Variants in MYO18B observed in about 807,000 individuals in gnomAD.
The protein encoded by MYO18B is myosin XVIIIB, also known as unconventional myosin-XVIIIb.
In MYO18B, 204 loss-of-function variants were observed where a neutral mutation model predicts 273.0. The ratio of observed to expected loss-of-function variants is 0.75; its 90% CI spans 0.67 to 0.84. The LOEUF (loss-of-function observed/expected upper bound fraction) is 0.84, where lower values mean the gene tolerates loss of function less well. Among genes scored for constraint, MYO18B ranks in the 40% least tolerant of loss-of-function variants. MYO18B has a pLI of 0.00. For synonymous variants in MYO18B, 1,330 were observed against 1,305.7 expected, an observed-to-expected ratio of 1.02 and a Z score of -0.40; for missense variants, 3,212 against 3,287.6, an observed-to-expected ratio of 0.98 and a Z score of 0.56.
chr22:26,003,412 C>A, intron 41 of MYO18B, 103 bp downstream of exon 41: 1 of 985,010 alleles, frequency 1.0e-6, no homozygotes, highest in Non-Finnish European at 1.6e-6. Flanking sequence ...GGAGAATTAT[C>A]AGTGATGCCC....
At chr22:25,886,585 T>C (rs1290388421) in intron 25 of MYO18B, among the ~76,000 whole-genome samples, 1 of 152,168 alleles carries the variant, frequency 6.6e-6, no homozygotes, top group Non-Finnish European at 1.5e-5. Context: ...GCAAGGGTGG[T>C]TGAGGTCCAG....
intron 17 of MYO18B, among the ~76,000 whole-genome samples, chr22:25,838,712 C>A (rs2089981132): frequency 6.6e-6 from 1 of 152,178 alleles, no homozygotes; most frequent in African/African-American, 2.4e-5. Flanking sequence ...GTAGGCTCTA[C>A]CATCTAGGTT....
chr22:25,877,809 C>A, intron 24 of MYO18B, 150 bp from the exon 25 acceptor site: 1 of 601,800 alleles, frequency 1.7e-6, no homozygotes, highest in South Asian at 2.2e-5. Context: ...ATACAGTGCA[C>A]CATTATTTGT....
intron 21 of MYO18B, among the ~76,000 whole-genome samples, chr22:25,852,162 C>T (rs2090445148): frequency 6.6e-6 from 1 of 152,168 alleles, no homozygotes; most frequent in Admixed American, 6.5e-5. Flanking sequence ...TTTGAGAATT[C>T]TGATGAACAT....
intron 27 of MYO18B, among the ~76,000 whole-genome samples, chr22:25,893,757 A>G (rs1023121848): frequency 3.3e-5 from 5 of 151,654 alleles, no homozygotes; most frequent in Admixed American, 3.3e-4. Context: ...CCATCCATCC[A>G]TCTATCCATC....
At position 25,997,465 on chromosome 22, in the gene MYO18B, C is replaced by G. The variant is rs534383657; in HGVS notation, c.6287+4972C>G. Among the ~76,000 whole-genome samples the G allele has an allele frequency of 1.2e-4, 19 of 152,198 alleles. No individual in the cohort carries two copies. In the East Asian group the frequency reaches 2.3e-3, roughly 19 times the overall value. On this transcript the variant is annotated intron_variant, in intron 40 of 43. Coordinates refer to ENST00000335473, the MANE Select transcript of MYO18B (RefSeq NM_032608.7). ...CAAGCCCCTGAAGCCAGCCCTGACC[C>G]CAGGGTGGTTCTTAGGGAGCATTTC...
chr22:25,862,759 A>G (rs1475119179), intron 21 of MYO18B, among the ~76,000 whole-genome samples: 3 of 151,518 alleles, frequency 2.0e-5, no homozygotes, highest in South Asian at 2.1e-4. Context: ...AAGATTTTCA[A>G]TAGTTTATAA....
chr22:25,885,825 T>G (rs2091481862), intron 25 of MYO18B, among the ~76,000 whole-genome samples: 1 of 152,176 alleles, frequency 6.6e-6, no homozygotes, highest in Admixed American at 6.5e-5. Flanking sequence ...TAACTGTCCC[T>G]TCATTCTAGA....
chr22:25,849,553 CTG>C (rs1211674431), intron 20 of MYO18B, among the ~76,000 whole-genome samples: 4 of 152,194 alleles, frequency 2.6e-5, no homozygotes, highest in Non-Finnish European at 5.9e-5. Flanking sequence ...GTACTAGACA[CTG>C]TGTTGTCACC....
the MYO18B span, among the ~76,000 whole-genome samples, chr22:26,053,042 C>T: frequency 6.6e-6 from 1 of 151,996 alleles, no homozygotes; most frequent in East Asian, 1.9e-4. Flanking sequence ...CTCCTGACCT[C>T]GTGATCCACC....
At chr22:25,884,843 A>C (rs1048734981) in intron 25 of MYO18B, 8 of 152,226 alleles carry the variant, frequency 5.3e-5, no homozygotes, top group Admixed American at 4.6e-4. Flanking sequence ...TTTCATCATC[A>C]GTAAAATGGC....
chr22:25,877,949 G>A lies in MYO18B; in HGVS notation c.4225-10G>A. The A allele has an allele frequency of 6.4e-7, 1 of 1,564,226 alleles. No homozygotes were observed. The highest frequency in any genetic ancestry group is 8.7e-7 in the Non-Finnish European group (1 of 1,153,784). ...TGGAATGGTTTCTGTTCATGTGTTT[G>A]TTTTTGTAGGAGGAGCTTACAACGC... On this transcript the variant is annotated splice_polypyrimidine_tract_variant and intron_variant, in intron 24 of 43. Transcript: ENST00000335473.
intron 6 of MYO18B, among the ~76,000 whole-genome samples, chr22:25,771,298 T>G (rs561583923): frequency 1.3e-5 from 2 of 152,322 alleles, no homozygotes; most frequent in East Asian, 3.9e-4. Context: ...GCTTTTAATT[T>G]ATAGATATTG....
chr22:25,912,194 C>T (rs2092171415), intron 33 of MYO18B, among the ~76,000 whole-genome samples: 1 of 152,172 alleles, frequency 6.6e-6, no homozygotes. Context: ...ACACACGCGG[C>T]AAGAGTAAGA....
chr22:25,929,072 G>T (rs2092461110), intron 34 of MYO18B, among the ~76,000 whole-genome samples: 1 of 147,656 alleles, frequency 6.8e-6, no homozygotes. Context: ...TGAGGCAGGA[G>T]AATCGCTTGA....
chr22:25,950,308 C>G (rs2092775163), intron 36 of MYO18B, 59 bp from the exon 37 acceptor site: 1 of 1,448,046 alleles, frequency 6.9e-7, no homozygotes, highest in South Asian at 1.3e-5. Flanking sequence ...GGGGTGGTTT[C>G]CCAGCAAGGC....
At chr22:25,916,126 C>A (rs1156690834) in intron 33 of MYO18B, among the ~76,000 whole-genome samples, 1 of 152,086 alleles carries the variant, frequency 6.6e-6, no homozygotes, top group Non-Finnish European at 1.5e-5. Context: ...AATAGGTTGA[C>A]ATAAAAAATA....
chr22:25,901,978 A>C (rs1281874879), intron 29 of MYO18B, among the ~76,000 whole-genome samples: 2 of 151,646 alleles, frequency 1.3e-5, no homozygotes, highest in African/African-American at 4.8e-5. Flanking sequence ...ATGCCCAGGT[A>C]ATTTTAAATT....
intron 40 of MYO18B, among the ~76,000 whole-genome samples, chr22:25,999,666 T>TCTCCTCCTC (rs1601799955): frequency 7.0e-6 from 1 of 143,104 alleles, no homozygotes; most frequent in East Asian, 2.0e-4. Flanking sequence ...TCCTCCTCCT[T>TCTCCTCCTC]CTCCATCTTC....
Sources: gnomAD v4.1 joint callset for allele counts (sites outside exome capture counted in the v4.1 genomes callset) on GRCh38, gnomAD v4.1.1 for gene constraint, MANE v1.5 for transcripts, NCBI Gene and HGNC (gene_info 2026-07-23, HGNC 2026-07-21) for gene names.